MYLK: variants seen among roughly 807,000 people sequenced by gnomAD.
MYLK encodes myosin light chain kinase, smooth muscle.
A neutral mutation model predicts 203.4 loss-of-function variants in MYLK; 106 were observed. That is an observed-to-expected ratio of 0.52 (90% CI 0.45 to 0.61). The LOEUF (loss-of-function observed/expected upper bound fraction) is 0.61, where lower values mean the gene tolerates loss of function less well. MYLK is among the 20% of genes least tolerant of loss of function. MYLK has a pLI of 0.00. For synonymous variants in MYLK, 867 were observed against 959.5 expected (o/e 0.90, Z 1.78); for missense variants, 2,072 against 2,442.3 (o/e 0.85, Z 3.20).
chr3:123,722,819 AC>A (rs1384674831), intron 12 of MYLK, among the ~76,000 whole-genome samples: 1 of 152,108 alleles, frequency 6.6e-6, no homozygotes, highest in Non-Finnish European at 1.5e-5. Flanking sequence ...TGCATCCCCC[AC>A]CCACTGTTGC....
rs2057788857 is a variant in MYLK, at chr3:123,620,397, G to A, written c.5239-61C>T. 2.0e-5 allele frequency: 32 copies of A among 1,611,624 alleles called. No homozygotes were observed. In the East Asian group the frequency reaches 4.9e-4, roughly 25 times the overall value. ...GTCCCTGGTTCCAGCTGGGTAGTGC[G>A]AGGGGCTGCAGGGAGTAGAGCCCAG... On this transcript the variant is annotated intron_variant, in intron 31 of 33. Transcript: ENST00000360304.
rs142247740 is a variant in MYLK, at chr3:123,768,931, G to A, written c.166-16393C>T. On this transcript the variant is annotated intron_variant, in intron 4 of 33. Coordinates refer to ENST00000360304, the MANE Select transcript of MYLK (RefSeq NM_053025.4). ...TCTGCCTGCTTCTCCAGGACCACTT[G>A]CTCTGCCTCTAGAGAGCCTCCCGTT... is the stretch of plus-strand genomic sequence containing the variant. Among the ~76,000 whole-genome samples the A allele has an allele frequency of 3.6e-3, 545 of 152,302 alleles. 3 individuals are homozygous for A. Among genetic ancestry groups the A allele is most frequent in the Non-Finnish European group, 6.2e-3 (423 of 68,020 alleles).
At chr3:123,792,955 C>T (rs957591516) in intron 4 of MYLK, among the ~76,000 whole-genome samples, 8 of 152,208 alleles carry the variant, frequency 5.3e-5, no homozygotes, top group Non-Finnish European at 8.8e-5. Context: ...CAGACAACCA[C>T]GTAGCCAGAC....
chr3:123,860,946 C>T lies in MYLK; in HGVS notation c.-127+15613G>A, dbSNP rs376878679. On this transcript the variant is annotated intron_variant, in intron 2 of 33. Transcript: ENST00000360304. ...GAGATTGAGACCATCCTGGCTAAAA[C>T]GGTGAAACCCCGTCTCTACTAAAAA... Among the ~76,000 whole-genome samples the T allele has an allele frequency of 7.0e-4, 107 of 151,934 alleles. 2 individuals are homozygous for T. In the South Asian group the frequency reaches 0.011, roughly 16 times the overall value.
intron 4 of MYLK, among the ~76,000 whole-genome samples, chr3:123,784,654 T>G (rs919340944): frequency 6.6e-6 from 1 of 152,216 alleles, no homozygotes; most frequent in African/African-American, 2.4e-5. Context: ...TATGGATTGA[T>G]TTTTAAAAAC....
chr3:123,841,915 T>C (rs2066600877), intron 2 of MYLK, among the ~76,000 whole-genome samples: 1 of 152,096 alleles, frequency 6.6e-6, no homozygotes, highest in Non-Finnish European at 1.5e-5. Flanking sequence ...AACTAACATT[T>C]ATTAGGTATC....
At chr3:123,778,158 G>A (rs967010660) in intron 4 of MYLK, among the ~76,000 whole-genome samples, 3 of 152,012 alleles carry the variant, frequency 2.0e-5, no homozygotes, top group African/African-American at 4.8e-5. Flanking sequence ...AAGGGGGGGC[G>A]ATAATTGGTT....
chr3:123,850,751 A>C (rs1479549937), intron 2 of MYLK, among the ~76,000 whole-genome samples: 5 of 152,196 alleles, frequency 3.3e-5, no homozygotes, highest in African/African-American at 1.2e-4. Context: ...TAGTTTAATT[A>C]GATCCCATTT....
intron 14 of MYLK, chr3:123,709,192 G>C (rs2108646683): frequency 4.3e-6 from 1 of 235,180 alleles, no homozygotes; most frequent in East Asian, 1.0e-4. Flanking sequence ...CCAGGCTGCA[G>C]TGCAGTGGTG....
chr3:123,783,069 A>G (rs2064361962), intron 4 of MYLK, among the ~76,000 whole-genome samples: 1 of 151,806 alleles, frequency 6.6e-6, no homozygotes, highest in South Asian at 2.1e-4. Context: ...TGCCACATTG[A>G]TGTGTTTGTA....
intron 2 of MYLK, among the ~76,000 whole-genome samples, chr3:123,857,990 C>G (rs955918135): frequency 6.6e-6 from 1 of 152,100 alleles, no homozygotes; most frequent in Non-Finnish European, 1.5e-5. Flanking sequence ...CCTGATGACT[C>G]TCAGCCACGG....
chr3:123,861,754 T>C (rs2031944321), intron 2 of MYLK, among the ~76,000 whole-genome samples: 1 of 152,172 alleles, frequency 6.6e-6, no homozygotes, highest in African/African-American at 2.4e-5. Flanking sequence ...GACAAGTACT[T>C]AATTGACTCT....
At chr3:123,845,758 A>G (rs1477737381) in intron 2 of MYLK, among the ~76,000 whole-genome samples, 1 of 152,160 alleles carries the variant, frequency 6.6e-6, no homozygotes, top group Non-Finnish European at 1.5e-5. Context: ...GACTCAAGCA[A>G]TCCACCCATC....
chr3:123,624,327 TA>T (rs71625741), intron 31 of MYLK: 1,896 of 141,090 alleles, frequency 0.013, 17 homozygotes, highest in African/African-American at 0.02. Context: ...CCTGTCTCTT[TA>T]AAAAAAAAAA....
rs1318923218 is a variant in MYLK, at chr3:123,678,362, GA to G, written c.3652+3861del. Among the ~76,000 whole-genome samples, 9 of 152,000 alleles carry G rather than the reference GA, an allele frequency of 5.9e-5. No homozygotes were observed. In the East Asian group the frequency reaches 1.8e-3, roughly 30 times the overall value. Reference sequence around the variant, plus strand: ...AACCTGACCCCGTTTTCCTCATCCCGAAATCTTCCCAAGCTGCTCCCACCTC... The same window carrying G: ...AACCTGACCCCGTTTTCCTCATCCCGAATCTTCCCAAGCTGCTCCCACCTC... On this transcript the variant is annotated intron_variant, in intron 20 of 33. Coordinates refer to ENST00000360304, the MANE Select transcript of MYLK (RefSeq NM_053025.4).
intron 27 of MYLK, among the ~76,000 whole-genome samples, chr3:123,645,901 T>TGGGA (rs1332585561): frequency 6.6e-6 from 1 of 152,288 alleles, no homozygotes; most frequent in East Asian, 1.9e-4. Context: ...CCCAGCACTT[T>TGGGA]GGGAGGCTGA....
At chr3:123,790,842 T>A (rs978075691) in intron 4 of MYLK, among the ~76,000 whole-genome samples, 1 of 152,056 alleles carries the variant, frequency 6.6e-6, no homozygotes, top group African/African-American at 2.4e-5. Flanking sequence ...AAGTCCTAGG[T>A]CCCTCCACTG....
At chr3:123,644,923 C>T (rs2058962563) in intron 27 of MYLK, among the ~76,000 whole-genome samples, 1 of 152,178 alleles carries the variant, frequency 6.6e-6, no homozygotes, top group Non-Finnish European at 1.5e-5. Context: ...TGTTCTAATC[C>T]AAGTACTTCT....
At chr3:123,688,584 T>C (rs1041405324) in intron 19 of MYLK, among the ~76,000 whole-genome samples, 2 of 152,152 alleles carry the variant, frequency 1.3e-5, no homozygotes, top group African/African-American at 4.8e-5. Flanking sequence ...TGTTGGCCCA[T>C]AACACTTAGA....
Sources: gnomAD v4.1 joint callset for allele counts (sites outside exome capture counted in the v4.1 genomes callset) on GRCh38, gnomAD v4.1.1 for gene constraint, MANE v1.5 for transcripts, NCBI Gene and HGNC (gene_info 2026-07-23, HGNC 2026-07-21) for gene names.